PTP4A1: variants seen among roughly 807,000 people sequenced by gnomAD.
PTP4A1 encodes the protein protein tyrosine phosphatase 4A1, also known as protein tyrosine phosphatase type IVA 1.
Under a neutral mutation model 20.5 loss-of-function variants are expected in PTP4A1, and 9 were observed. The ratio of observed to expected loss-of-function variants is 0.44; its 90% CI spans 0.26 to 0.77. The LOEUF is 0.77. PTP4A1 is among the 30% of genes least tolerant of loss of function. The pLI, the probability that PTP4A1 is intolerant of heterozygous loss-of-function variation, is 0.19. For synonymous variants in PTP4A1, 78 were observed against 67.4 expected (o/e 1.16, Z -0.77); for missense variants, 137 against 218.8 (o/e 0.63, Z 2.36).
chr6:63,535,607 G>T (rs1775683658), intron 2 of PTP4A1, among the ~76,000 whole-genome samples: 2 of 152,160 alleles, frequency 1.3e-5, no homozygotes, highest in Admixed American at 1.3e-4. Flanking sequence ...ATAATATGAG[G>T]TATCGAATGT....
At chr6:63,546,603 G>A (rs1562119178) in intron 2 of PTP4A1, among the ~76,000 whole-genome samples, 1 of 152,168 alleles carries the variant, frequency 6.6e-6, no homozygotes, top group African/African-American at 2.4e-5. Context: ...CTACTTGGGA[G>A]GCTGAGGCAG....
At chr6:63,551,254 C>T (rs1049795784) in intron 3 of PTP4A1, among the ~76,000 whole-genome samples, 17 of 151,228 alleles carry the variant, frequency 1.1e-4, no homozygotes, top group Admixed American at 7.3e-4. Context: ...TTAGTAGAGA[C>T]GGAGTTTCAC....
intron 2 of PTP4A1, among the ~76,000 whole-genome samples, chr6:63,529,139 A>G (rs568392712): frequency 2.3e-4 from 29 of 127,002 alleles, no homozygotes; most frequent in Middle Eastern, 7.7e-3. Context: ...ATGTGTGTGT[A>G]TATATATATG....
chr6:63,554,193 T>C (rs1776570139), intron 3 of PTP4A1, among the ~76,000 whole-genome samples: 1 of 152,214 alleles, frequency 6.6e-6, no homozygotes, highest in South Asian at 2.1e-4. Context: ...TTAGTTATAA[T>C]TTAGTTTTGC....
intron 1 of PTP4A1, among the ~76,000 whole-genome samples, chr6:63,526,780 G>C (rs554360031): frequency 3.7e-4 from 53 of 142,508 alleles, no homozygotes; most frequent in African/African-American, 1.4e-3. Flanking sequence ...ACCTGCGACA[G>C]AGCAAGACTC....
chr6:63,579,829 G>A (rs183751610), intron 5 of PTP4A1, among the ~76,000 whole-genome samples: 18 of 152,242 alleles, frequency 1.2e-4, no homozygotes, highest in Non-Finnish European at 2.4e-4. Flanking sequence ...GGATTTGTGA[G>A]TCGACTGTTG....
At chr6:63,528,576 A>C (rs1049317524) in intron 2 of PTP4A1, among the ~76,000 whole-genome samples, 2 of 151,804 alleles carry the variant, frequency 1.3e-5, no homozygotes, top group Non-Finnish European at 2.9e-5. Context: ...AATATAACAA[A>C]ACAAATTAGC....
At chr6:63,518,084 G>A (rs909678773), upstream of PTP4A1, among the ~76,000 whole-genome samples, 60 of 151,328 alleles carry the variant, frequency 4.0e-4, no homozygotes, top group African/African-American at 1.2e-3. Context: ...CCCGGGAGGC[G>A]GAGGTTGCTG....
intron 2 of PTP4A1, among the ~76,000 whole-genome samples, chr6:63,530,922 C>T (rs1432888976): frequency 2.0e-5 from 3 of 152,104 alleles, no homozygotes; most frequent in Non-Finnish European, 4.4e-5. Flanking sequence ...GGTTTCCATA[C>T]CAATGGAAAA....
At chr6:63,557,170 T>C (rs1233224850) in intron 3 of PTP4A1, among the ~76,000 whole-genome samples, 1 of 152,198 alleles carries the variant, frequency 6.6e-6, no homozygotes, top group Non-Finnish European at 1.5e-5. Context: ...ATGATTATCA[T>C]CATGGGATGA....
rs1188946269 is a variant in PTP4A1, at chr6:63,583,132, CTATT to C, written c.*2959_*2962del. ...TGCCATGATTAAGAGAGAATGCTTT[CTATT>C]GGAGTTTCAGGAAATATAATTTGAG... On this transcript the variant is annotated 3_prime_UTR_variant, in exon 6 of 6. Transcript: ENST00000626021. The C allele has an allele frequency of 3.3e-5, 5 of 152,074 alleles. No individual in the cohort carries two copies. The highest frequency in any genetic ancestry group is 3.3e-4 in the Admixed American group (5 of 15,264). 9.4% of individuals were successfully genotyped at this position (152,074 alleles called of 1,614,324 possible). A position where few individuals can be genotyped will look rare whatever the true frequency, so the allele number is the denominator to read the frequency against.
the PTP4A1 span, among the ~76,000 whole-genome samples, chr6:63,516,605 G>T: frequency 1.3e-5 from 2 of 152,096 alleles, no homozygotes; most frequent in Non-Finnish European, 2.9e-5. Flanking sequence ...GCATACTGCT[G>T]GCTGTCTCTT....
At chr6:63,551,916 C>A (rs1014041783) in intron 3 of PTP4A1, among the ~76,000 whole-genome samples, 4 of 152,074 alleles carry the variant, frequency 2.6e-5, no homozygotes, top group African/African-American at 4.8e-5. Flanking sequence ...TGTATATGTG[C>A]CACATTTTCT....
At chr6:63,525,906 G>T (rs1775144783) in intron 1 of PTP4A1, among the ~76,000 whole-genome samples, 1 of 152,112 alleles carries the variant, frequency 6.6e-6, no homozygotes, top group South Asian at 2.1e-4. Context: ...AGTGAGTTGG[G>T]ACATTAAGGA....
chr6:63,547,178 T>A (rs1024736431), intron 2 of PTP4A1, among the ~76,000 whole-genome samples: 1 of 150,628 alleles, frequency 6.6e-6, no homozygotes, highest in Non-Finnish European at 1.5e-5. Context: ...TACAGGCTAG[T>A]AGGGGGGAAT....
Position 63,527,379 on chromosome 6 carries a change from A to G in PTP4A1, c.-905-440A>G, listed in dbSNP as rs1280267301. Among the ~76,000 whole-genome samples the G allele has an allele frequency of 2.6e-5, 4 of 152,268 alleles. No individual in the cohort carries two copies. The East Asian group carries it at 7.7e-4, about 29-fold the overall frequency. ...GTAACCCACAGACCTTGCATAGAAT[A>G]TTGACCAATAAGTGCCGAGTGAATA... is the stretch of plus-strand genomic sequence containing the variant. On this transcript the variant is annotated intron_variant, in intron 1 of 3. Transcript: ENST00000639568.
upstream of PTP4A1, among the ~76,000 whole-genome samples, chr6:63,518,263 G>A (rs1252312875): frequency 6.6e-6 from 1 of 151,736 alleles, no homozygotes; most frequent in Admixed American, 6.6e-5. Context: ...GCACATCTTA[G>A]ATTGCTATTT....
At position 63,562,231 on chromosome 6, in the gene PTP4A1, C is replaced by A. The variant is rs929694178; in HGVS notation, c.-446+11738C>A. 9.9e-4 allele frequency among the ~76,000 whole-genome samples: 135 copies of A among 135,724 alleles called. 2 individuals carry two copies. The highest frequency in any genetic ancestry group is 4.3e-4 in the East Asian group (2 of 4,660). The allele number at this position is 135,724 out of a possible 152,430, so 89.0% of individuals were successfully genotyped here. A position where few individuals can be genotyped will look rare whatever the true frequency, so the allele number is the denominator to read the frequency against. On this transcript the variant is annotated intron_variant, in intron 3 of 3. Coordinates refer to the PTP4A1 transcript ENST00000639568. The stretch of plus-strand genomic sequence containing the variant: ...TTTTTTTTTTTGAGACAGAGTTTTG[C>A]TCTTGTTTCCCAGGCTGGAGTGCAA...
chr6:63,582,435 A>G lies in PTP4A1; in HGVS notation c.*2261A>G, dbSNP rs1203706345. 6.6e-6 allele frequency: 1 copy of G among 152,638 alleles called. No homozygotes were observed. The highest frequency in any genetic ancestry group is 1.5e-5 in the Non-Finnish European group (1 of 68,040). 9.5% of individuals were successfully genotyped at this position (152,638 alleles called of 1,614,324 possible). ...TTTACTTTATAAACCTTATCTGTACATTATACGATGTGATGAAATTTGCTT... is the reference window on the plus strand; with the variant it reads ...TTTACTTTATAAACCTTATCTGTACGTTATACGATGTGATGAAATTTGCTT... On this transcript the variant is annotated 3_prime_UTR_variant, in exon 6 of 6. Coordinates refer to ENST00000626021, the MANE Select transcript of PTP4A1 (RefSeq NM_003463.5).
Sources: allele counts gnomAD v4.1 joint callset (sites outside exome capture counted in the v4.1 genomes callset), GRCh38; gene constraint gnomAD v4.1.1; transcripts MANE v1.5; gene names NCBI Gene and HGNC (gene_info 2026-07-23, HGNC 2026-07-21).